The following GUCY1A2 variants were observed in gnomAD, a reference collection of about 807,000 sequenced individuals.
GUCY1A2 encodes guanylate cyclase 1 soluble subunit alpha 2, also known as guanylate cyclase soluble subunit alpha-2.
In GUCY1A2, 27 loss-of-function variants were observed where a neutral mutation model predicts 63.5. The ratio of observed to expected loss-of-function variants is 0.43; its 90% CI spans 0.31 to 0.59. The LOEUF (loss-of-function observed/expected upper bound fraction) is 0.59. Ranked by LOEUF, GUCY1A2 falls within the 20% of genes least tolerant of loss-of-function variation. The pLI, the probability that GUCY1A2 is intolerant of heterozygous loss-of-function variation, is 0.11. For missense variants in GUCY1A2, 768 were observed against 913.3 expected (o/e 0.84, Z 2.05); for synonymous variants, 364 against 343.5 (o/e 1.06, Z -0.66).
intron 5 of GUCY1A2, among the ~76,000 whole-genome samples, chr11:106,792,743 A>C (rs555727221): frequency 7.0e-4 from 107 of 152,304 alleles, no homozygotes; most frequent in African/African-American, 2.3e-3. Flanking sequence ...CCTATTCAAC[A>C]CAGTATTGAA....
chr11:106,931,195 G>A (rs1462409831), intron 4 of GUCY1A2, among the ~76,000 whole-genome samples: 2 of 152,016 alleles, frequency 1.3e-5, no homozygotes, highest in Non-Finnish European at 2.9e-5. Context: ...ATTAAGTATG[G>A]ACAAAATATT....
chr11:106,970,777 T>C (rs1861183029), intron 3 of GUCY1A2, among the ~76,000 whole-genome samples: 1 of 152,058 alleles, frequency 6.6e-6, no homozygotes. Flanking sequence ...GTGAATGTTT[T>C]ATAGCAGTTA....
At chr11:106,886,219 T>G (rs963746359) in intron 4 of GUCY1A2, among the ~76,000 whole-genome samples, 2 of 152,196 alleles carry the variant, frequency 1.3e-5, no homozygotes, top group African/African-American at 4.8e-5. Flanking sequence ...AATGTCATGT[T>G]GAATGTGTCT....
intron 4 of GUCY1A2, among the ~76,000 whole-genome samples, chr11:106,875,261 G>A (rs182875051): frequency 3.9e-5 from 6 of 152,242 alleles, no homozygotes; most frequent in East Asian, 1.9e-4. Flanking sequence ...GGCAGCTGAA[G>A]GGGAAAACTC....
chr11:106,703,721 A>G (rs986847094), intron 7 of GUCY1A2, among the ~76,000 whole-genome samples: 1 of 152,134 alleles, frequency 6.6e-6, no homozygotes, highest in Non-Finnish European at 1.5e-5. Flanking sequence ...TGTTGAAGCC[A>G]ACAGTAAGTA....
At chr11:106,823,895 G>T in intron 4 of GUCY1A2, 2 of 341,384 alleles carry the variant, frequency 5.9e-6, no homozygotes, top group Non-Finnish European at 5.3e-6. Flanking sequence ...CATGTCCTTT[G>T]CCCACTTTTT....
At chr11:106,979,933 C>T (rs73553898) in intron 2 of GUCY1A2, among the ~76,000 whole-genome samples, 1,916 of 152,236 alleles carry the variant, frequency 0.013, 33 homozygotes, top group African/African-American at 0.043. Flanking sequence ...ACTTTTCCCC[C>T]TCCCCTCCTA....
intron 4 of GUCY1A2, among the ~76,000 whole-genome samples, chr11:106,882,902 G>A (rs1859845362): frequency 6.6e-6 from 1 of 152,018 alleles, no homozygotes; most frequent in Non-Finnish European, 1.5e-5. Flanking sequence ...ACCAACCCAT[G>A]TTAGAAGTTC....
intron 1 of GUCY1A2, among the ~76,000 whole-genome samples, chr11:107,001,326 T>C (rs1229800326): frequency 6.6e-6 from 1 of 152,204 alleles, no homozygotes; most frequent in Non-Finnish European, 1.5e-5. Flanking sequence ...CTTTAAAATA[T>C]AATTAGATCA....
chr11:106,758,520 C>A (rs1039497364), intron 6 of GUCY1A2, among the ~76,000 whole-genome samples: 1 of 152,194 alleles, frequency 6.6e-6, no homozygotes. Context: ...ACTGTCCAAC[C>A]AGTCTCAATG....
chr11:106,866,003 C>G (rs933897899), intron 4 of GUCY1A2, among the ~76,000 whole-genome samples: 2 of 151,860 alleles, frequency 1.3e-5, no homozygotes, highest in Non-Finnish European at 1.5e-5. Flanking sequence ...CAGCATCTAT[C>G]ATAGCACCTT....
Position 106,881,999 on chromosome 11 carries a change from T to C in GUCY1A2, c.1206+57461A>G, listed in dbSNP as rs550048548. 7.9e-5 allele frequency among the ~76,000 whole-genome samples: 12 copies of C among 152,124 alleles called. No individual in the cohort carries two copies. In the South Asian group the frequency reaches 2.1e-3, roughly 26 times the overall value. ...AATGGGCTATCAATTACAAGGCTTC[T>C]AGCATGATGAGTAATTTTTTCTCCA... On this transcript the variant is annotated intron_variant, in intron 4 of 7. Transcript: ENST00000526355.
chr11:106,796,154 T>A (rs1052694112), intron 5 of GUCY1A2, among the ~76,000 whole-genome samples: 5 of 152,200 alleles, frequency 3.3e-5, no homozygotes, highest in African/African-American at 1.2e-4. Context: ...GTTTTCCATT[T>A]GCTTGGTAGC....
chr11:106,822,370 C>T, intron 4 of GUCY1A2, among the ~76,000 whole-genome samples: 1 of 151,998 alleles, frequency 6.6e-6, no homozygotes, highest in East Asian at 1.9e-4. Context: ...CTTTTCTCAA[C>T]TTTTATTTTA....
chr11:106,946,331 CAACATGATCAA>C (rs1158014696), intron 3 of GUCY1A2, among the ~76,000 whole-genome samples: 1 of 151,788 alleles, frequency 6.6e-6, no homozygotes, highest in Non-Finnish European at 1.5e-5. Context: ...ATGTATATGT[CAACATGATCAA>C]AACAGCAAAA....
At chr11:107,014,622 C>T (rs184121688) in intron 1 of GUCY1A2, among the ~76,000 whole-genome samples, 1 of 152,074 alleles carries the variant, frequency 6.6e-6, no homozygotes, top group African/African-American at 2.4e-5. Context: ...CTTAAAGTGA[C>T]TATTAAGCAT....
intron 6 of GUCY1A2, among the ~76,000 whole-genome samples, chr11:106,728,954 GAGA>G (rs1004780074): frequency 7.9e-5 from 12 of 152,092 alleles, no homozygotes; most frequent in Admixed American, 2.6e-4. Flanking sequence ...GATTGCCAAG[GAGA>G]AGATTTACTT....
chr11:106,854,731 C>T (rs972560584), intron 4 of GUCY1A2, among the ~76,000 whole-genome samples: 2 of 152,028 alleles, frequency 1.3e-5, no homozygotes, highest in African/African-American at 4.8e-5. Context: ...TATGTGGGCA[C>T]TGGAGACAGT....
chr11:106,900,733 C>A (rs955676463), intron 4 of GUCY1A2, among the ~76,000 whole-genome samples: 6 of 152,134 alleles, frequency 3.9e-5, no homozygotes, highest in African/African-American at 1.4e-4. Flanking sequence ...TTTCCTAGTG[C>A]ATATACAAAT....
Sources: allele counts gnomAD v4.1 joint callset (sites outside exome capture counted in the v4.1 genomes callset), GRCh38; gene constraint gnomAD v4.1.1; transcripts MANE v1.5; gene names NCBI Gene and HGNC (gene_info 2026-07-23, HGNC 2026-07-21).